ATP8A1: variants seen among roughly 807,000 people sequenced by gnomAD.
ATP8A1 encodes ATPase phospholipid transporting 8A1.
ATP8A1 carries 90 observed loss-of-function variants against 177.7 expected under a neutral mutation model. The ratio of observed to expected loss-of-function variants is 0.51; its 90% CI spans 0.43 to 0.60. The LOEUF (loss-of-function observed/expected upper bound fraction) is 0.60, where lower values mean the gene tolerates loss of function less well. ATP8A1 is among the 20% of genes least tolerant of loss of function. ATP8A1 has a pLI of 0.00. For missense variants in ATP8A1, 1,072 were observed against 1,392.8 expected, an observed-to-expected ratio of 0.77 and a Z score of 3.67; for synonymous variants, 493 against 485.9, an observed-to-expected ratio of 1.01 and a Z score of -0.19.
At position 42,656,998 on chromosome 4, in the gene ATP8A1, C is replaced by G; in HGVS notation, c.-125G>C. Reference sequence around the variant, plus strand: ...GCAGCCTGGGCCGCGCCGCCGCCCACCTAGGGCAGAGCTGCCGCCGGGCGC... The same window carrying G: ...GCAGCCTGGGCCGCGCCGCCGCCCAGCTAGGGCAGAGCTGCCGCCGGGCGC... On this transcript the variant is annotated 5_prime_UTR_variant, in exon 1 of 37. Transcript: ENST00000381668. 9.5e-7 allele frequency: 1 copy of G among 1,056,254 alleles called. No individual in the cohort carries two copies. Among genetic ancestry groups the G allele is most frequent in the Non-Finnish European group, 1.2e-6 (1 of 819,956 alleles). The allele number at this position is 1,056,254 out of a possible 1,614,324, so 65.4% of individuals were successfully genotyped here.
rs572023269 is a variant in ATP8A1 at position 42,409,267 on chromosome 4, A to C, written c.*3649T>G. ...TCATACAGAAAGTAAATCAAGACGAAATATGGAAAACATTTATTTCCTTTC... is the reference window on the plus strand; with the variant it reads ...TCATACAGAAAGTAAATCAAGACGACATATGGAAAACATTTATTTCCTTTC... On this transcript the variant is annotated 3_prime_UTR_variant, in exon 37 of 37. Transcript: ENST00000381668. 1 of 152,326 alleles carries C rather than the reference A, an allele frequency of 6.6e-6. No individual in the cohort carries two copies. The highest frequency in any genetic ancestry group is 2.4e-5 in the African/African-American group (1 of 41,588). 9.4% of individuals were successfully genotyped at this position (152,326 alleles called of 1,614,324 possible).
intron 23 of ATP8A1, among the ~76,000 whole-genome samples, chr4:42,504,135 C>T (rs1724127866): frequency 6.6e-6 from 1 of 152,186 alleles, no homozygotes; most frequent in Non-Finnish European, 1.5e-5. Context: ...AAAATAATTC[C>T]ACTATGTGAG....
At chr4:42,523,730 G>T (rs1178223836) in intron 21 of ATP8A1, among the ~76,000 whole-genome samples, 1 of 152,086 alleles carries the variant, frequency 6.6e-6, no homozygotes, top group Non-Finnish European at 1.5e-5. Context: ...AAAACAAAAA[G>T]AACCTGTGTT....
At chr4:42,610,071 C>T (rs2109430148) in intron 5 of ATP8A1, among the ~76,000 whole-genome samples, 1 of 152,168 alleles carries the variant, frequency 6.6e-6, no homozygotes, top group East Asian at 1.9e-4. Flanking sequence ...AGTTACTACC[C>T]TGATATCTGC....
chr4:42,616,962 C>T (rs1023679900), intron 4 of ATP8A1, among the ~76,000 whole-genome samples: 13 of 152,130 alleles, frequency 8.5e-5, no homozygotes, highest in African/African-American at 1.2e-4. Context: ...TGCAGAAGAG[C>T]GGTGAGTGTA....
intron 1 of ATP8A1, among the ~76,000 whole-genome samples, chr4:42,638,913 TTCTAA>T (rs1307899593): frequency 2.0e-5 from 3 of 152,146 alleles, no homozygotes; most frequent in Admixed American, 6.5e-5. Context: ...ACGGACTGGA[TTCTAA>T]TCCAAGCAAA....
chr4:42,569,274 C>A, intron 14 of ATP8A1, 69 bp from the exon 15 acceptor site: 4 of 1,244,774 alleles, frequency 3.2e-6, no homozygotes, highest in Non-Finnish European at 4.5e-6. Context: ...AACATAAAAC[C>A]ACGAAGAAGG....
chr4:42,500,415 A>C (rs956406331), intron 24 of ATP8A1, among the ~76,000 whole-genome samples: 1 of 146,580 alleles, frequency 6.8e-6, no homozygotes, highest in African/African-American at 2.7e-5. Flanking sequence ...CAAAACAAAA[A>C]CAGAAATCTC....
At chr4:42,443,938 T>C (rs1716924950) in intron 32 of ATP8A1, among the ~76,000 whole-genome samples, 1 of 152,190 alleles carries the variant, frequency 6.6e-6, no homozygotes, top group African/African-American at 2.4e-5. Context: ...TACGCTTACC[T>C]TTTTTACCCC....
At chr4:42,612,168 A>G (rs547111172) in intron 5 of ATP8A1, among the ~76,000 whole-genome samples, 2 of 152,260 alleles carry the variant, frequency 1.3e-5, no homozygotes, top group South Asian at 2.1e-4. Context: ...TCTGGGACAC[A>G]GTGTTATGAA....
intron 20 of ATP8A1, among the ~76,000 whole-genome samples, chr4:42,537,896 T>A (rs368578692): frequency 1.3e-5 from 2 of 152,022 alleles, no homozygotes; most frequent in African/African-American, 4.8e-5. Flanking sequence ...TCTTCACAAT[T>A]AGAAAAAATA....
At chr4:42,512,894 T>G (rs1042723232) in intron 22 of ATP8A1, among the ~76,000 whole-genome samples, 1 of 152,200 alleles carries the variant, frequency 6.6e-6, no homozygotes, top group Admixed American at 6.5e-5. Flanking sequence ...TAGCTTTCTC[T>G]GTAAAAGGAC....
intron 1 of ATP8A1, among the ~76,000 whole-genome samples, chr4:42,635,689 T>A (rs2109523944): frequency 6.7e-6 from 1 of 150,164 alleles, no homozygotes; most frequent in Admixed American, 6.7e-5. Flanking sequence ...CACATATGTA[T>A]TTGTATATAT....
chr4:42,597,314 A>G (rs145146717), intron 6 of ATP8A1, among the ~76,000 whole-genome samples: 48 of 152,340 alleles, frequency 3.2e-4, no homozygotes, highest in African/African-American at 9.9e-4. Context: ...AGGCAAAGAA[A>G]AGACTTGCCT....
chr4:42,586,518 G>A, intron 8 of ATP8A1, 42 bp from the exon 9 acceptor site: 2 of 1,590,490 alleles, frequency 1.3e-6, no homozygotes, highest in Non-Finnish European at 1.7e-6. Context: ...TATTAAATAA[G>A]TTGTATCTGG....
intron 22 of ATP8A1, 121 bp downstream of exon 22, chr4:42,522,039 G>T (rs16854470): frequency 1.4e-5 from 15 of 1,065,664 alleles, no homozygotes; most frequent in Admixed American, 5.6e-5. Context: ...TGATGAGAGG[G>T]TATTCAATAG....
chr4:42,609,186 C>T (rs975720610), intron 5 of ATP8A1, among the ~76,000 whole-genome samples: 1 of 152,218 alleles, frequency 6.6e-6, no homozygotes, highest in African/African-American at 2.4e-5. Context: ...AAAAGCACGA[C>T]CCCCTCACCA....
intron 2 of ATP8A1, 35 bp downstream of exon 2, chr4:42,626,960 T>A: frequency 1.3e-6 from 2 of 1,509,138 alleles, no homozygotes; most frequent in Non-Finnish European, 1.8e-6. Context: ...TCTGCTCTGC[T>A]GGCTGGTCTC....
chr4:42,459,359 CTACTT>C (rs1253307917), intron 27 of ATP8A1: 1 of 165,400 alleles, frequency 6.0e-6, no homozygotes, highest in African/African-American at 2.4e-5. Context: ...TAAATTTTGT[CTACTT>C]TATTGCTGTC....
Sources: gnomAD v4.1 joint callset for allele counts (sites outside exome capture counted in the v4.1 genomes callset) on GRCh38, gnomAD v4.1.1 for gene constraint, MANE v1.5 for transcripts, NCBI Gene and HGNC (gene_info 2026-07-23, HGNC 2026-07-21) for gene names.